The following ANO2 variants were observed in gnomAD, a reference collection of about 807,000 sequenced individuals.
ANO2 encodes the protein anoctamin 2, also known as anoctamin-2.
A neutral mutation model predicts 124.2 loss-of-function variants in ANO2; 101 were observed. The ratio of observed to expected loss-of-function variants is 0.81; its 90% CI spans 0.69 to 0.96. The LOEUF (loss-of-function observed/expected upper bound fraction) is 0.96, where lower values mean the gene tolerates loss of function less well. ANO2 is among the 40% of genes least tolerant of loss of function. The pLI is 0.00. For synonymous variants in ANO2, 486 were observed against 482.5 expected, an observed-to-expected ratio of 1.01 and a Z score of -0.09; for missense variants, 1,293 against 1,274.5, an observed-to-expected ratio of 1.01 and a Z score of -0.22.
At chr12:5,743,552 T>C (rs1286691051) in intron 12 of ANO2, among the ~76,000 whole-genome samples, 1 of 152,100 alleles carries the variant, frequency 6.6e-6, no homozygotes, top group African/African-American at 2.4e-5. Context: ...TATTACCCCA[T>C]ACTCTGGGAG....
intron 4 of ANO2, among the ~76,000 whole-genome samples, chr12:5,842,783 T>G (rs1246029178): frequency 6.6e-6 from 1 of 152,226 alleles, no homozygotes; most frequent in African/African-American, 2.4e-5. Flanking sequence ...CAACCGGGCC[T>G]GGGGTCTTCC....
At chr12:5,656,773 C>T (rs1190116837) in intron 14 of ANO2, among the ~76,000 whole-genome samples, 1 of 152,236 alleles carries the variant, frequency 6.6e-6, no homozygotes, top group Admixed American at 6.5e-5. Flanking sequence ...ATCTTGGTAG[C>T]ATTTAACCAG....
intron 1 of ANO2, among the ~76,000 whole-genome samples, chr12:5,932,712 A>T (rs990307165): frequency 6.6e-6 from 1 of 152,160 alleles, no homozygotes; most frequent in Non-Finnish European, 1.5e-5. Flanking sequence ...GAGAGGAAGG[A>T]AAGTAGACCA....
chr12:5,729,779 C>T (rs1435431525), intron 14 of ANO2, among the ~76,000 whole-genome samples: 1 of 150,702 alleles, frequency 6.6e-6, no homozygotes, highest in Non-Finnish European at 1.5e-5. Flanking sequence ...TCAACTGCAT[C>T]GATAAATAAA....
At chr12:5,659,669 A>C (rs1591836342) in intron 14 of ANO2, among the ~76,000 whole-genome samples, 1 of 152,198 alleles carries the variant, frequency 6.6e-6, no homozygotes, top group African/African-American at 2.4e-5. Flanking sequence ...AGACACAGAA[A>C]ACACTCTGGC....
At chr12:5,865,160 A>C (rs1955381967) in intron 3 of ANO2, among the ~76,000 whole-genome samples, 1 of 152,330 alleles carries the variant, frequency 6.6e-6, no homozygotes. Flanking sequence ...AAGAATCTTT[A>C]CACTATTTTC....
At chr12:5,750,783 C>T in intron 11 of ANO2, 53 bp downstream of exon 11, 2 of 1,575,064 alleles carry the variant, frequency 1.3e-6, no homozygotes, top group Non-Finnish European at 1.7e-6. Flanking sequence ...TGGGATGAAA[C>T]TCCAAATTAT....
Position 5,635,307 on chromosome 12 carries a change from T to C in ANO2, c.1661A>G (p.Tyr554Cys), listed in dbSNP as rs763415543. 1.9e-6 allele frequency: 3 copies of C among 1,606,074 alleles called. No homozygotes were observed. The highest frequency in any genetic ancestry group is 1.7e-6 in the Non-Finnish European group (2 of 1,177,420). ...CAGAGCGGCTGCAGTTGTTATTCGATACACTATCACCCCAAAGACGATTGA... is the reference window on the plus strand; with the variant it reads ...CAGAGCGGCTGCAGTTGTTATTCGACACACTATCACCCCAAAGACGATTGA... ...TFSIVFGVIVYRITTAAALSL... is the reference protein window; with the variant it reads ...TFSIVFGVIVCRITTAAALSL... Residue 554 changes from tyrosine (Y) to cysteine (C), a missense_variant, in exon 16 of 25, where the codon TAT (tyrosine) becomes TGT (cysteine). Physicochemically the swap from Tyr to Cys is radical, Grantham distance 194 (BLOSUM62 -2). Coordinates refer to ENST00000682330, the MANE Select transcript of ANO2 (RefSeq NM_001364791.2). The surrounding 1 kb of genome is among the most constrained non-coding windows in gnomAD (Gnocchi z 5.2).
chr12:5,665,207 T>C (rs1248136443), intron 14 of ANO2, among the ~76,000 whole-genome samples: 2 of 152,160 alleles, frequency 1.3e-5, no homozygotes, highest in Non-Finnish European at 2.9e-5. Flanking sequence ...GGATTTGGTC[T>C]CCAAGTTGAC....
Position 5,921,276 on chromosome 12 carries a change from C to T in ANO2, c.298G>A (p.Asp100Asn), listed in dbSNP as rs758820347. 7.4e-6 allele frequency: 12 copies of T among 1,613,968 alleles called. No homozygotes were observed. The highest frequency in any genetic ancestry group is 5.0e-5 in the Admixed American group (3 of 60,032). ...MHFHDSQRKV[D>N]YVLAYHYRKR... ...CGGTAGTGGTAGGCAAGTACATAGTCGACCTTCCTCTGACTGTCATGGAAG... is the reference window on the plus strand; with the variant it reads ...CGGTAGTGGTAGGCAAGTACATAGTTGACCTTCCTCTGACTGTCATGGAAG... Residue 100 changes from aspartate to asparagine, a missense_variant, in exon 3 of 25, where the codon GAC becomes AAC. Physicochemically the swap from Asp to Asn is conservative, Grantham distance 23 (BLOSUM62 1). Transcript: ENST00000682330.
At chr12:5,607,376 C>G (rs893644707) in intron 19 of ANO2, among the ~76,000 whole-genome samples, 3 of 152,048 alleles carry the variant, frequency 2.0e-5, no homozygotes, top group African/African-American at 7.2e-5. Flanking sequence ...GATAGCTAAG[C>G]ATTTATCCAA....
In ANO2 at chr12:5,799,571, G is replaced by A. The variant is rs1012191340; in HGVS notation, c.991C>T (p.Leu331=). 1 of 1,613,680 alleles carries A rather than the reference G, an allele frequency of 6.2e-7. No homozygotes were observed. The highest frequency in any genetic ancestry group is 2.2e-5 in the East Asian group (1 of 44,896). The change falls in exon 10 of 25, where the codon CTG becomes TTG. Residue 331 remains leucine, a splice_region_variant and synonymous_variant. Transcript: ENST00000682330. ...TAGCGCGCCCATTCTTGATATAGCA[G>A]CTAAACAAAGAAAATAAGGAAACAG... The part of the protein sequence containing the change: ...SPEDDMNDRK[L]LYQEWARYGV...
chr12:5,657,559 T>C (rs1408982622), intron 14 of ANO2, among the ~76,000 whole-genome samples: 1 of 151,910 alleles, frequency 6.6e-6, no homozygotes, highest in East Asian at 1.9e-4. Context: ...GAGTGCAGTA[T>C]GCTTTTCCAT....
chr12:5,643,661 T>C (rs1946497051), intron 15 of ANO2, among the ~76,000 whole-genome samples: 1 of 152,260 alleles, frequency 6.6e-6, no homozygotes, highest in Non-Finnish European at 1.5e-5. Flanking sequence ...TTTCAACTTA[T>C]ACTCCCTATA....
At chr12:5,664,161 GTGGTC>G (rs1368710181) in intron 14 of ANO2, among the ~76,000 whole-genome samples, 1 of 152,214 alleles carries the variant, frequency 6.6e-6, no homozygotes, top group Admixed American at 6.5e-5. Flanking sequence ...CTCATGCTTG[GTGGTC>G]TGGGTATGTG....
chr12:5,726,818 G>T (rs1950459025), intron 14 of ANO2, among the ~76,000 whole-genome samples: 1 of 152,048 alleles, frequency 6.6e-6, no homozygotes, highest in Non-Finnish European at 1.5e-5. Context: ...CAAACCAATG[G>T]GTTGATGACC....
At chr12:5,932,309 G>A (rs1259762216) in intron 1 of ANO2, among the ~76,000 whole-genome samples, 1 of 149,016 alleles carries the variant, frequency 6.7e-6, no homozygotes, top group Non-Finnish European at 1.5e-5. Context: ...GAAGGCAGAC[G>A]AGTGAGGAAA....
chr12:5,802,380 C>A (rs907515248), intron 9 of ANO2, among the ~76,000 whole-genome samples: 2 of 152,246 alleles, frequency 1.3e-5, no homozygotes, highest in African/African-American at 4.8e-5. Context: ...AAACAGACAG[C>A]TGGAGCTACA....
chr12:5,894,706 T>C (rs1939650925), intron 3 of ANO2, among the ~76,000 whole-genome samples: 1 of 152,258 alleles, frequency 6.6e-6, no homozygotes, highest in African/African-American at 2.4e-5. Flanking sequence ...GTTTTCTGCA[T>C]ATGGCTAGCC....
Sources: gnomAD v4.1 joint callset for allele counts (sites outside exome capture counted in the v4.1 genomes callset) on GRCh38, gnomAD v4.1.1 for gene constraint, Gnocchi (gnomAD v3.1) non-coding constraint, MANE v1.5 for transcripts, NCBI Gene and HGNC (gene_info 2026-07-23, HGNC 2026-07-21) for gene names.